ITGBL1: variants seen among roughly 807,000 people sequenced by gnomAD.
The protein encoded by ITGBL1 is integrin subunit beta like 1.
A neutral mutation model predicts 68.5 loss-of-function variants in ITGBL1; 51 were observed. The ratio of observed to expected loss-of-function variants is 0.74; its 90% CI spans 0.59 to 0.94. The LOEUF (loss-of-function observed/expected upper bound fraction) is 0.94, where lower values mean the gene tolerates loss of function less well. Among genes scored for constraint, ITGBL1 ranks in the 40% least tolerant of loss-of-function variants. The probability of loss-of-function intolerance (pLI) is 0.00; values close to 1 mark genes in which losing one functional copy is unlikely to be tolerated. For missense variants in ITGBL1, 649 were observed against 647.4 expected, an observed-to-expected ratio of 1.00 and a Z score of -0.03; for synonymous variants, 209 against 227.3, an observed-to-expected ratio of 0.92 and a Z score of 0.72.
chr13:101,611,321 C>A (rs2031116592), intron 7 of ITGBL1, among the ~76,000 whole-genome samples: 2 of 152,142 alleles, frequency 1.3e-5, no homozygotes, highest in Non-Finnish European at 2.9e-5. Context: ...TCAAGTTTTT[C>A]CATGAACAAG....
chr13:101,535,770 G>A (rs148067762), intron 2 of ITGBL1, among the ~76,000 whole-genome samples: 177 of 152,102 alleles, frequency 1.2e-3, no homozygotes, highest in African/African-American at 3.8e-3. Flanking sequence ...AAACTTTTGC[G>A]AAGAGTCTGA....
At chr13:101,649,430 G>C (rs1225204250) in intron 7 of ITGBL1, among the ~76,000 whole-genome samples, 1 of 151,958 alleles carries the variant, frequency 6.6e-6, no homozygotes, top group Non-Finnish European at 1.5e-5. Flanking sequence ...TAGACTATAA[G>C]GTCAATGTAA....
chr13:101,623,357 C>T (rs1463490452), intron 7 of ITGBL1, among the ~76,000 whole-genome samples: 1 of 152,098 alleles, frequency 6.6e-6, no homozygotes, highest in Non-Finnish European at 1.5e-5. Flanking sequence ...CTCTAAAAGT[C>T]ATAAAAATGT....
chr13:101,656,794 T>C (rs545420967), intron 7 of ITGBL1, among the ~76,000 whole-genome samples: 1 of 152,288 alleles, frequency 6.6e-6, no homozygotes, highest in East Asian at 1.9e-4. Flanking sequence ...CAGCTCCAAG[T>C]CTACATCATC....
intron 2 of ITGBL1, among the ~76,000 whole-genome samples, chr13:101,456,584 C>T (rs1476370313): frequency 6.6e-6 from 1 of 152,100 alleles, no homozygotes; most frequent in African/African-American, 2.4e-5. Context: ...AAAACAAAAT[C>T]CTTCTCTTAT....
chr13:101,698,073 C>T (rs896223086), intron 8 of ITGBL1, among the ~76,000 whole-genome samples: 1 of 152,160 alleles, frequency 6.6e-6, no homozygotes, highest in African/African-American at 2.4e-5. Context: ...TCTGTTATGG[C>T]TTCAGAGAAT....
chr13:101,549,080 A>T (rs2049876860), intron 2 of ITGBL1, among the ~76,000 whole-genome samples: 2 of 151,958 alleles, frequency 1.3e-5, no homozygotes, highest in African/African-American at 4.8e-5. Context: ...ATAAGATTAT[A>T]CAGAGTTGAG....
At chr13:101,457,077 A>G (rs2048254698) in intron 2 of ITGBL1, among the ~76,000 whole-genome samples, 1 of 152,188 alleles carries the variant, frequency 6.6e-6, no homozygotes. Flanking sequence ...AGCTGTTGTA[A>G]GGTTTAACAT....
intron 7 of ITGBL1, among the ~76,000 whole-genome samples, chr13:101,650,763 C>G (rs8001658): frequency 6.6e-6 from 1 of 151,944 alleles, no homozygotes; most frequent in East Asian, 1.9e-4. Flanking sequence ...CACCCATTAG[C>G]TTTTCTTCCT....
intron 2 of ITGBL1, among the ~76,000 whole-genome samples, chr13:101,455,103 C>CAGGGTTTGGCA (rs1456355023): frequency 1.3e-5 from 2 of 152,152 alleles, no homozygotes; most frequent in Admixed American, 1.3e-4. Flanking sequence ...GCATTCCAGC[C>CAGGGTTTGGCA]AGGGTTTGGC....
At chr13:101,632,011 C>CA (rs141962556) in intron 7 of ITGBL1, among the ~76,000 whole-genome samples, 27 of 150,748 alleles carry the variant, frequency 1.8e-4, no homozygotes, top group East Asian at 9.8e-4. Flanking sequence ...ATACGGTACA[C>CA]AAAAAAAAGC....
intron 7 of ITGBL1, among the ~76,000 whole-genome samples, chr13:101,659,334 T>C (rs1167408587): frequency 6.6e-6 from 1 of 152,222 alleles, no homozygotes; most frequent in East Asian, 1.9e-4. Flanking sequence ...GAGATATAAT[T>C]TCATCTATAA....
chr13:101,649,176 T>C (rs2032664672), intron 7 of ITGBL1, among the ~76,000 whole-genome samples: 1 of 152,198 alleles, frequency 6.6e-6, no homozygotes, highest in Non-Finnish European at 1.5e-5. Context: ...AGATATTCAA[T>C]TTTTATTGAA....
chr13:101,687,286 G>C (rs2033776349), intron 7 of ITGBL1, among the ~76,000 whole-genome samples: 1 of 151,674 alleles, frequency 6.6e-6, no homozygotes, highest in Admixed American at 6.6e-5. Flanking sequence ...AAAATATTTT[G>C]GAGTAAGTGA....
chr13:101,485,037 T>C (rs1352592045), intron 2 of ITGBL1, among the ~76,000 whole-genome samples: 1 of 152,174 alleles, frequency 6.6e-6, no homozygotes. Flanking sequence ...GATAGCAGAT[T>C]TCTCTTATTT....
At chr13:101,652,491 G>A (rs2032783323) in intron 7 of ITGBL1, among the ~76,000 whole-genome samples, 1 of 152,150 alleles carries the variant, frequency 6.6e-6, no homozygotes, top group Non-Finnish European at 1.5e-5. Context: ...GAAACTAGTT[G>A]ACTGGTCATA....
Position 101,715,728 on chromosome 13 carries a change from T to C in ITGBL1, c.*74T>C. ...ACAGATAAATGCGAAGGAAACCATG[T>C]ATATTCACCACTAGGACAGGTTAAA... is the stretch of plus-strand genomic sequence containing the variant. On this transcript the variant is annotated 3_prime_UTR_variant, in exon 11 of 11. Coordinates refer to ENST00000376180, the MANE Select transcript of ITGBL1 (RefSeq NM_004791.3). 2.1e-6 allele frequency: 2 copies of C among 932,360 alleles called. No homozygotes were observed. The highest frequency in any genetic ancestry group is 2.6e-5 in the South Asian group (2 of 76,384). 57.8% of individuals were successfully genotyped at this position (932,360 alleles called of 1,614,324 possible).
intron 7 of ITGBL1, among the ~76,000 whole-genome samples, chr13:101,605,508 G>GTGTA (rs1555361789): frequency 3.6e-5 from 5 of 137,212 alleles, no homozygotes; most frequent in Non-Finnish European, 6.2e-5. Flanking sequence ...ATGTATATGC[G>GTGTA]TATACACATA....
chr13:101,632,350 T>G (rs1293662717), intron 7 of ITGBL1, among the ~76,000 whole-genome samples: 1 of 152,124 alleles, frequency 6.6e-6, no homozygotes, highest in Non-Finnish European at 1.5e-5. Context: ...AAAACCCCAA[T>G]GAGTTATCCC....
Sources: gnomAD v4.1 joint callset for allele counts (sites outside exome capture counted in the v4.1 genomes callset) on GRCh38, gnomAD v4.1.1 for gene constraint, MANE v1.5 for transcripts, NCBI Gene and HGNC (gene_info 2026-07-23, HGNC 2026-07-21) for gene names.